Variants in IQCM observed in about 807,000 individuals in gnomAD.
IQCM encodes IQ domain-containing protein M.
A neutral mutation model predicts 57.6 loss-of-function variants in IQCM; 45 were observed. The ratio of observed to expected loss-of-function variants is 0.78; its 90% CI spans 0.62 to 1.00. IQCM has a LOEUF of 1.00. IQCM is among the 50% of genes least tolerant of loss of function. IQCM has a pLI of 0.00. For synonymous variants in IQCM, 148 were observed against 158.9 expected, an observed-to-expected ratio of 0.93 and a Z score of 0.51; for missense variants, 468 against 511.6, an observed-to-expected ratio of 0.91 and a Z score of 0.82.
chr4:149,572,674 T>C (rs1213081655), intron 9 of IQCM, among the ~76,000 whole-genome samples: 2 of 151,990 alleles, frequency 1.3e-5, no homozygotes, highest in African/African-American at 4.8e-5. Flanking sequence ...GCCTTGAAGG[T>C]TTCATCATGT....
chr4:149,529,246 T>C (rs1579379326), intron 12 of IQCM, among the ~76,000 whole-genome samples: 1 of 152,236 alleles, frequency 6.6e-6, no homozygotes, highest in East Asian at 1.9e-4. Context: ...GTATTTTTAG[T>C]AGAGATGGGA....
At chr4:149,687,169 C>T (rs1216041929) in intron 5 of IQCM, among the ~76,000 whole-genome samples, 2 of 151,608 alleles carry the variant, frequency 1.3e-5, no homozygotes, top group East Asian at 3.9e-4. Flanking sequence ...TGAGACGAAA[C>T]CCTCTGCTTT....
chr4:149,430,547 C>T (rs971574228), intron 13 of IQCM, among the ~76,000 whole-genome samples: 2 of 151,934 alleles, frequency 1.3e-5, no homozygotes, highest in African/African-American at 4.8e-5. Flanking sequence ...TTGTTTCTGT[C>T]ACTACTCAGT....
intron 8 of IQCM, among the ~76,000 whole-genome samples, chr4:149,589,221 A>G (rs942813304): frequency 6.6e-6 from 1 of 152,002 alleles, no homozygotes; most frequent in Admixed American, 6.6e-5. Context: ...AATGAGTAAA[A>G]TGGTTAGAGG....
intron 8 of IQCM, among the ~76,000 whole-genome samples, chr4:149,615,760 G>T (rs915620993): frequency 4.6e-5 from 7 of 152,148 alleles, no homozygotes; most frequent in East Asian, 1.9e-4. Context: ...TCTAAGTAGA[G>T]TATGTTATAT....
At chr4:149,596,806 T>C (rs1753820535) in intron 8 of IQCM, among the ~76,000 whole-genome samples, 1 of 152,172 alleles carries the variant, frequency 6.6e-6, no homozygotes, top group Admixed American at 6.5e-5. Context: ...ATAAAAGTTG[T>C]CTCACCTTAG....
chr4:149,487,327 T>C (rs977950187), intron 12 of IQCM, among the ~76,000 whole-genome samples: 4 of 152,146 alleles, frequency 2.6e-5, no homozygotes, highest in African/African-American at 9.7e-5. Context: ...CCCTCTTTAC[T>C]CGTCACTTTC....
chr4:149,611,961 A>G (rs988266641), intron 8 of IQCM, among the ~76,000 whole-genome samples: 2 of 121,310 alleles, frequency 1.6e-5, no homozygotes, highest in Non-Finnish European at 3.6e-5. Flanking sequence ...ATAATTAACA[A>G]TAATTTTATT....
intron 5 of IQCM, among the ~76,000 whole-genome samples, chr4:149,688,517 A>C (rs1357105481): frequency 6.6e-6 from 1 of 152,038 alleles, no homozygotes; most frequent in East Asian, 1.9e-4. Flanking sequence ...TGTGAAAATG[A>C]CCATACTGCC....
intron 12 of IQCM, among the ~76,000 whole-genome samples, chr4:149,461,052 T>C (rs557296885): frequency 3.3e-5 from 5 of 152,074 alleles, no homozygotes; most frequent in African/African-American, 1.2e-4. Flanking sequence ...CTGACAGACA[T>C]GGAGAAACCC....
chr4:149,626,548 T>C (rs919790373), intron 7 of IQCM, among the ~76,000 whole-genome samples: 24 of 151,934 alleles, frequency 1.6e-4, no homozygotes, highest in Non-Finnish European at 3.1e-4. Flanking sequence ...GAATGTGATA[T>C]AGAACAGTAG....
chr4:149,636,870 G>A (rs1472444372), intron 7 of IQCM, among the ~76,000 whole-genome samples: 2 of 152,122 alleles, frequency 1.3e-5, no homozygotes, highest in Non-Finnish European at 2.9e-5. Context: ...GCGGCCGGGC[G>A]CGGTGGCTCA....
At chr4:149,479,259 A>C (rs1175013783) in intron 12 of IQCM, among the ~76,000 whole-genome samples, 1 of 152,200 alleles carries the variant, frequency 6.6e-6, no homozygotes, top group African/African-American at 2.4e-5. Flanking sequence ...TTATTTTCAA[A>C]AGATTCCTCT....
At chr4:149,580,907 T>C (rs1752117814) in intron 9 of IQCM, among the ~76,000 whole-genome samples, 1 of 151,770 alleles carries the variant, frequency 6.6e-6, no homozygotes, top group African/African-American at 2.4e-5. Context: ...ATTTACATAT[T>C]TATTTTATTA....
Position 149,738,371 on chromosome 4 carries a change from C to T in IQCM, c.38-2913G>A, listed in dbSNP as rs17026401. On this transcript the variant is annotated intron_variant, in intron 3 of 13. Transcript: ENST00000636793. The stretch of plus-strand genomic sequence containing the variant: ...TAATGTGCTGATGCAGCTGTTTCGA[C>T]TTCCCCCTTTGTAACTAGAATTAGC... Among the ~76,000 whole-genome samples the T allele has an allele frequency of 9.0e-3, 1,367 of 152,252 alleles. 10 individuals carry two copies. Among genetic ancestry groups the T allele is most frequent in the African/African-American group, 0.03 (1,266 of 41,552 alleles).
chr4:149,556,049 T>C (rs1749551378), intron 10 of IQCM, among the ~76,000 whole-genome samples: 1 of 152,220 alleles, frequency 6.6e-6, no homozygotes. Context: ...ATGCTTCAGC[T>C]ATTGTGCTAG....
intron 12 of IQCM, among the ~76,000 whole-genome samples, chr4:149,523,356 C>T (rs999698473): frequency 2.0e-5 from 3 of 151,966 alleles, no homozygotes; most frequent in Non-Finnish European, 4.4e-5. Context: ...TTGAATTTCT[C>T]ATCAACAACA....
intron 3 of IQCM, among the ~76,000 whole-genome samples, chr4:149,738,725 G>T (rs1216187986): frequency 6.6e-6 from 1 of 152,116 alleles, no homozygotes; most frequent in Non-Finnish European, 1.5e-5. Flanking sequence ...CTCCAATGAA[G>T]TCATGTGGAC....
At chr4:149,800,635 T>A (rs1256852149) in intron 2 of IQCM, among the ~76,000 whole-genome samples, 1 of 151,836 alleles carries the variant, frequency 6.6e-6, no homozygotes, top group East Asian at 1.9e-4. Flanking sequence ...CTGAAAAAAA[T>A]TTCAGTAAAT....
Sources: allele counts gnomAD v4.1 joint callset (sites outside exome capture counted in the v4.1 genomes callset), GRCh38; gene constraint gnomAD v4.1.1; transcripts MANE v1.5; gene names NCBI Gene and HGNC (gene_info 2026-07-23, HGNC 2026-07-21).